The following SNTG1 variants were observed in gnomAD, a reference collection of about 807,000 sequenced individuals.
The protein encoded by SNTG1 is gamma-1-syntrophin.
A neutral mutation model predicts 74.7 loss-of-function variants in SNTG1; 39 were observed. The ratio of observed to expected loss-of-function variants is 0.52; its 90% CI spans 0.40 to 0.68. The LOEUF is 0.68. Among genes scored for constraint, SNTG1 ranks in the 30% least tolerant of loss-of-function variants. The probability of loss-of-function intolerance (pLI) is 0.00; values close to 1 mark genes in which losing one functional copy is unlikely to be tolerated. For synonymous variants in SNTG1, 254 were observed against 217.1 expected, an observed-to-expected ratio of 1.17 and a Z score of -1.49; for missense variants, 685 against 609.5, an observed-to-expected ratio of 1.12 and a Z score of -1.30.
chr8:50,000,708 GA>G (rs1460400196), intron 1 of SNTG1, among the ~76,000 whole-genome samples: 5 of 152,150 alleles, frequency 3.3e-5, no homozygotes, highest in Non-Finnish European at 5.9e-5. Flanking sequence ...AAATGTATAA[GA>G]AATGTATCTG....
At position 50,553,442 on chromosome 8, in the gene SNTG1, C is replaced by T. The variant is rs189274510; in HGVS notation, c.810+263C>T. ...TGAAAATAACTAGTTAGCATATAAT[C>T]CCTAAATATATTTAAGTAAAAGCAT... On this transcript the variant is annotated intron_variant, in intron 12 of 18. Transcript: ENST00000642720. 2.2e-3 allele frequency among the ~76,000 whole-genome samples: 330 copies of T among 152,238 alleles called. 4 individuals carry two copies. Among genetic ancestry groups the T allele is most frequent in the African/African-American group, 7.5e-3 (312 of 41,542 alleles).
At chr8:50,022,225 A>C (rs554415413) in intron 1 of SNTG1, among the ~76,000 whole-genome samples, 1 of 152,298 alleles carries the variant, frequency 6.6e-6, no homozygotes, top group African/African-American at 2.4e-5. Flanking sequence ...GACAATAACA[A>C]TGTCTCGAGA....
intron 2 of SNTG1, among the ~76,000 whole-genome samples, chr8:50,276,450 T>A (rs1325510999): frequency 6.6e-6 from 1 of 151,092 alleles, no homozygotes; most frequent in Non-Finnish European, 1.5e-5. Context: ...TACAGGTTCT[T>A]GTACTTTAAT....
At chr8:50,521,204 G>A (rs964816000) in intron 9 of SNTG1, among the ~76,000 whole-genome samples, 129 of 152,196 alleles carry the variant, frequency 8.5e-4, no homozygotes, top group African/African-American at 3.1e-3. Context: ...ACTCATAAGT[G>A]GGAGTTGAAC....
chr8:50,759,152 G>T (rs1323526878), intron 18 of SNTG1, among the ~76,000 whole-genome samples: 1 of 151,820 alleles, frequency 6.6e-6, no homozygotes, highest in Non-Finnish European at 1.5e-5. Context: ...TTTTTGATGG[G>T]GTTGTTTGTT....
At chr8:50,359,304 A>C (rs886403406) in intron 2 of SNTG1, among the ~76,000 whole-genome samples, 3 of 152,160 alleles carry the variant, frequency 2.0e-5, no homozygotes, top group Non-Finnish European at 4.4e-5. Context: ...CTCAGCCCAC[A>C]GGCTTCACTC....
At chr8:50,447,129 T>C (rs2131607522) in intron 5 of SNTG1, among the ~76,000 whole-genome samples, 1 of 152,296 alleles carries the variant, frequency 6.6e-6, no homozygotes, top group South Asian at 2.1e-4. Flanking sequence ...TGTACAAGTC[T>C]GGGTGTTGAG....
At chr8:49,973,357 C>T (rs1811887625) in intron 1 of SNTG1, among the ~76,000 whole-genome samples, 1 of 147,194 alleles carries the variant, frequency 6.8e-6, no homozygotes, top group Non-Finnish European at 1.5e-5. Context: ...ACACCAGGGC[C>T]TGTTGTGGGG....
rs112242190 is a variant in SNTG1, at chr8:50,093,439, A to G, written c.-102-79122A>G. Among the ~76,000 whole-genome samples, 11 of 152,240 alleles carry G rather than the reference A, an allele frequency of 7.2e-5. 1 individual carries two copies. The highest frequency in any genetic ancestry group is 2.4e-4 in the African/African-American group (10 of 41,548). On this transcript the variant is annotated intron_variant, in intron 1 of 18. Transcript: ENST00000642720. ...CACATTTTTTATATCAAGGTGCAAA[A>G]GGGCTGGCATACTCACCAGTAATTA...
intron 2 of SNTG1, among the ~76,000 whole-genome samples, chr8:50,338,338 C>G (rs1376580052): frequency 6.6e-6 from 1 of 152,082 alleles, no homozygotes; most frequent in East Asian, 1.9e-4. Flanking sequence ...CTACTCACAT[C>G]AGTTTCTTTT....
intron 1 of SNTG1, among the ~76,000 whole-genome samples, chr8:50,061,813 A>G (rs1355308059): frequency 6.6e-6 from 1 of 152,058 alleles, no homozygotes; most frequent in Non-Finnish European, 1.5e-5. Flanking sequence ...ATCTAGCTTG[A>G]TGCACTTATT....
chr8:50,576,327 G>GTT (rs779432479), intron 12 of SNTG1, among the ~76,000 whole-genome samples: 64 of 152,172 alleles, frequency 4.2e-4, no homozygotes, highest in Non-Finnish European at 8.1e-4. Context: ...TCTATTCTAT[G>GTT]TATCTATGTG....
At chr8:50,110,257 CCTCT>C (rs1034321612) in intron 1 of SNTG1, among the ~76,000 whole-genome samples, 17 of 152,090 alleles carry the variant, frequency 1.1e-4, no homozygotes, top group African/African-American at 4.1e-4. Flanking sequence ...TGTTTTCCCT[CCTCT>C]CTCCTCATAT....
chr8:50,224,510 C>A (rs995470233), intron 2 of SNTG1, among the ~76,000 whole-genome samples: 18 of 152,276 alleles, frequency 1.2e-4, no homozygotes, highest in Middle Eastern at 3.4e-3. Context: ...CCTAAGTAAA[C>A]CTTTCTTCAT....
chr8:50,107,572 TTTTTG>T (rs1340424484), intron 1 of SNTG1, among the ~76,000 whole-genome samples: 1 of 151,836 alleles, frequency 6.6e-6, no homozygotes, highest in Non-Finnish European at 1.5e-5. Context: ...TTTTTTGTTT[TTTTTG>T]TTTTGTTTTG....
chr8:50,709,045 C>A, intron 17 of SNTG1, 67 bp downstream of exon 17: 1 of 1,083,510 alleles, frequency 9.2e-7, no homozygotes, highest in South Asian at 1.4e-5. Flanking sequence ...GATTTAAATG[C>A]CTCATAACTC....
chr8:50,357,161 T>G (rs962378256), intron 2 of SNTG1, among the ~76,000 whole-genome samples: 2 of 152,174 alleles, frequency 1.3e-5, no homozygotes, highest in African/African-American at 4.8e-5. Flanking sequence ...GCCATACTCC[T>G]TGGTGTGGAG....
chr8:50,350,075 G>A (rs536354822), intron 2 of SNTG1, among the ~76,000 whole-genome samples: 2 of 152,304 alleles, frequency 1.3e-5, no homozygotes, highest in East Asian at 3.9e-4. Context: ...CGGCTGCAGA[G>A]GGTGCATTGG....
Position 50,217,925 on chromosome 8 carries a change from C to T in SNTG1, c.-28+45290C>T, listed in dbSNP as rs145429509. ...TGTAAAAGAAGAAGGCATATCAGCT[C>T]AGTTCAAAGACTTTCATTCCTGGTT... On this transcript the variant is annotated intron_variant, in intron 2 of 18. Transcript: ENST00000642720. Among the ~76,000 whole-genome samples the T allele has an allele frequency of 3.4e-3, 514 of 152,266 alleles. 7 individuals are homozygous for T. Among genetic ancestry groups the T allele is most frequent in the Admixed American group, 0.022 (341 of 15,284 alleles).
Sources: gnomAD v4.1 joint callset for allele counts (sites outside exome capture counted in the v4.1 genomes callset) on GRCh38, gnomAD v4.1.1 for gene constraint, MANE v1.5 for transcripts, NCBI Gene and HGNC (gene_info 2026-07-23, HGNC 2026-07-21) for gene names.